ADAMTSL1: variants seen among roughly 807,000 people sequenced by gnomAD.
ADAMTSL1 encodes ADAMTS-like protein 1.
Under a neutral mutation model 201.8 loss-of-function variants are expected in ADAMTSL1, and 126 were observed. The ratio of observed to expected loss-of-function variants is 0.62; its 90% CI spans 0.54 to 0.72. The LOEUF (loss-of-function observed/expected upper bound fraction) is 0.72. Among genes scored for constraint, ADAMTSL1 ranks in the 30% least tolerant of loss-of-function variants. The pLI, the probability that ADAMTSL1 is intolerant of heterozygous loss-of-function variation, is 0.00. For synonymous variants in ADAMTSL1, 1,121 were observed against 903.4 expected, an observed-to-expected ratio of 1.24 and a Z score of -4.32; for missense variants, 2,679 against 2,277.8, an observed-to-expected ratio of 1.18 and a Z score of -3.59.
intron 1 of ADAMTSL1, among the ~76,000 whole-genome samples, chr9:18,076,921 C>T (rs953038326): frequency 5.3e-5 from 8 of 152,064 alleles, no homozygotes; most frequent in African/African-American, 1.7e-4. Flanking sequence ...GTAGAGATGA[C>T]AAGAAATGGA....
chr9:18,030,501 T>A (rs1019478332), intron 1 of ADAMTSL1, among the ~76,000 whole-genome samples: 4 of 152,082 alleles, frequency 2.6e-5, no homozygotes, highest in African/African-American at 9.7e-5. Flanking sequence ...TGTATACATA[T>A]GTAACTAACC....
At chr9:18,223,284 G>C (rs544433782) in intron 2 of ADAMTSL1, among the ~76,000 whole-genome samples, 1 of 152,114 alleles carries the variant, frequency 6.6e-6, no homozygotes, top group South Asian at 2.1e-4. Context: ...TTTCAGATTT[G>C]AAATGATCGA....
chr9:18,355,398 C>A (rs1836174972), intron 2 of ADAMTSL1, among the ~76,000 whole-genome samples: 1 of 152,102 alleles, frequency 6.6e-6, no homozygotes. Flanking sequence ...GGAGTATCAG[C>A]AGAATATTAA....
chr9:18,006,085 C>A (rs542846695), intron 1 of ADAMTSL1, among the ~76,000 whole-genome samples: 1 of 150,302 alleles, frequency 6.7e-6, no homozygotes, highest in Admixed American at 6.6e-5. Flanking sequence ...AACCACCACT[C>A]GGGAAAAAAA....
Position 18,817,213 on chromosome 9 carries a change from G to A in ADAMTSL1, c.3910G>A (p.Val1304Met), listed in dbSNP as rs200586543. 1.8e-4 allele frequency: 287 copies of A among 1,559,618 alleles called. 4 individuals are homozygous for A. The African/African-American group carries it at 3.5e-3, about 19-fold the overall frequency. ...CATCAAAACAGTGCAGGGAGTGAAT[G>A]TGACAATCAACTGCCAGGTTGCAGG... ...STIKTVQGVNVTINCQVAGVP... is the reference protein window; with the variant it reads ...STIKTVQGVNMTINCQVAGVP... The change falls in exon 21 of 29, where the codon GTG (valine) becomes ATG (methionine). Residue 1304 changes from valine (V) to methionine (M), a missense_variant. Val to Met is a conservative substitution (Grantham distance 21). Coordinates refer to ENST00000380548, the MANE Select transcript of ADAMTSL1 (RefSeq NM_001040272.6).
At chr9:18,116,959 A>C (rs1249943463) in intron 1 of ADAMTSL1, among the ~76,000 whole-genome samples, 1 of 152,170 alleles carries the variant, frequency 6.6e-6, no homozygotes, top group East Asian at 1.9e-4. Flanking sequence ...TCTCTGTCTT[A>C]ATTAAGGAAA....
At chr9:18,091,373 T>A (rs1255310804) in intron 1 of ADAMTSL1, among the ~76,000 whole-genome samples, 1 of 152,162 alleles carries the variant, frequency 6.6e-6, no homozygotes, top group Non-Finnish European at 1.5e-5. Context: ...AAAAGGAACA[T>A]CAAGGAGGCA....
intron 23 of ADAMTSL1, among the ~76,000 whole-genome samples, chr9:18,860,714 C>T (rs1827161059): frequency 6.6e-6 from 1 of 152,010 alleles, no homozygotes; most frequent in South Asian, 2.1e-4. Context: ...GAAAAAATCT[C>T]ATTACTGTAG....
At chr9:18,622,414 C>T (rs1390115728) in intron 5 of ADAMTSL1, 45 bp downstream of exon 5, 2 of 1,613,458 alleles carry the variant, frequency 1.2e-6, no homozygotes, top group Non-Finnish European at 1.7e-6. Flanking sequence ...GTTGACTTAT[C>T]CTCTCCTGGC....
chr9:17,965,457 A>G (rs1428635457), intron 1 of ADAMTSL1, among the ~76,000 whole-genome samples: 1 of 152,200 alleles, frequency 6.6e-6, no homozygotes, highest in African/African-American at 2.4e-5. Context: ...AATAAAAAGT[A>G]TTCCATCTAT....
chr9:18,278,114 A>G (rs1006106570), intron 2 of ADAMTSL1, among the ~76,000 whole-genome samples: 1 of 152,090 alleles, frequency 6.6e-6, no homozygotes, highest in African/African-American at 2.4e-5. Flanking sequence ...TATATTGTGT[A>G]TTCATTAGGA....
At chr9:18,642,130 T>A (rs1827482831) in intron 7 of ADAMTSL1, among the ~76,000 whole-genome samples, 1 of 151,968 alleles carries the variant, frequency 6.6e-6, no homozygotes, top group Admixed American at 6.6e-5. Context: ...CAGAAAGCCA[T>A]CAGTGTGGTG....
rs1008914194 is a variant in ADAMTSL1, at chr9:18,524,219, T to A, written c.192-9028T>A. Among the ~76,000 whole-genome samples the A allele has an allele frequency of 8.5e-5, 13 of 152,314 alleles. No individual in the cohort carries two copies. The East Asian group carries it at 1.2e-3, about 14-fold the overall frequency. On this transcript the variant is annotated intron_variant, in intron 2 of 28. Coordinates refer to ENST00000380548, the MANE Select transcript of ADAMTSL1 (RefSeq NM_001040272.6). ...CTGAAGCAATTGTGAATGGGAGTTCTCTCATGATTTGGCTCTCTGTTTGTC... is the reference window on the plus strand; with the variant it reads ...CTGAAGCAATTGTGAATGGGAGTTCACTCATGATTTGGCTCTCTGTTTGTC...
At chr9:18,883,058 C>T (rs1160367735) in intron 23 of ADAMTSL1, among the ~76,000 whole-genome samples, 3 of 151,504 alleles carry the variant, frequency 2.0e-5, no homozygotes, top group Admixed American at 1.3e-4. Flanking sequence ...AGTAGCAGCT[C>T]TGTCCTATTC....
At chr9:18,192,409 A>C (rs1829006060) in intron 2 of ADAMTSL1, among the ~76,000 whole-genome samples, 1 of 152,158 alleles carries the variant, frequency 6.6e-6, no homozygotes, top group Non-Finnish European at 1.5e-5. Flanking sequence ...TATGATTATA[A>C]ACAGATCAAA....
chr9:18,187,238 C>T (rs1828777818), intron 2 of ADAMTSL1, among the ~76,000 whole-genome samples: 1 of 152,094 alleles, frequency 6.6e-6, no homozygotes, highest in South Asian at 2.1e-4. Flanking sequence ...TAACTACTCT[C>T]CATGGAGTAC....
At chr9:17,967,654 C>A (rs892600713) in intron 1 of ADAMTSL1, among the ~76,000 whole-genome samples, 1 of 152,048 alleles carries the variant, frequency 6.6e-6, no homozygotes, top group Non-Finnish European at 1.5e-5. Context: ...CCTACTTTAT[C>A]TGATTTAGTT....
intron 3 of ADAMTSL1, among the ~76,000 whole-genome samples, chr9:18,554,053 C>T (rs779774418): frequency 4.6e-5 from 7 of 151,488 alleles, no homozygotes; most frequent in Non-Finnish European, 7.4e-5. Flanking sequence ...TATATAATTT[C>T]TTCAACACTT....
intron 2 of ADAMTSL1, among the ~76,000 whole-genome samples, chr9:18,241,130 G>T (rs1407421952): frequency 2.0e-5 from 3 of 152,034 alleles, no homozygotes; most frequent in Non-Finnish European, 4.4e-5. Flanking sequence ...CTTTGCATTT[G>T]ACTAACTACT....
Sources: gnomAD v4.1 joint callset for allele counts (sites outside exome capture counted in the v4.1 genomes callset) on GRCh38, gnomAD v4.1.1 for gene constraint, MANE v1.5 for transcripts, NCBI Gene and HGNC (gene_info 2026-07-23, HGNC 2026-07-21) for gene names.